NR6A1: variants seen among roughly 807,000 people sequenced by gnomAD.
NR6A1 encodes nuclear receptor subfamily 6 group A member 1.
NR6A1 carries 7 observed loss-of-function variants against 59.1 expected under a neutral mutation model. That is an observed-to-expected ratio of 0.12 (90% CI 0.07 to 0.22). The LOEUF is 0.22. NR6A1 is among the 10% of genes least tolerant of loss of function. NR6A1 has a pLI of 1.00. For missense variants in NR6A1, 468 were observed against 611.6 expected (o/e 0.77, Z 2.48); for synonymous variants, 243 against 236.1 (o/e 1.03, Z -0.27).
At position 124,680,143 on chromosome 9, in the gene NR6A1, G is replaced by A. The variant is rs184030156; in HGVS notation, c.142+53165C>T. 7.8e-4 allele frequency among the ~76,000 whole-genome samples: 118 copies of A among 151,468 alleles called. 2 individuals are homozygous for A. The highest frequency in any genetic ancestry group is 4.4e-5 in the Non-Finnish European group (3 of 67,846). ...GTGTTTATGTATGTATATGTAAATCGTGATGTGTGACATTGAAAGAATGTT... is the reference window on the plus strand; with the variant it reads ...GTGTTTATGTATGTATATGTAAATCATGATGTGTGACATTGAAAGAATGTT... On this transcript the variant is annotated intron_variant, in intron 2 of 9. Transcript: ENST00000487099.
At position 124,656,588 on chromosome 9, in the gene NR6A1, T is replaced by G. The variant is rs188616579; in HGVS notation, c.142+76720A>C. Among the ~76,000 whole-genome samples the G allele has an allele frequency of 3.9e-5, 6 of 152,208 alleles. No individual in the cohort carries two copies. In the East Asian group the frequency reaches 9.6e-4, roughly 24 times the overall value. On this transcript the variant is annotated intron_variant, in intron 2 of 9. Coordinates refer to ENST00000487099, the MANE Select transcript of NR6A1 (RefSeq NM_033334.4). ...GGCTCATGCCTGTAATTCTAGGATT[T>G]TGGGAGGCCAAGGTGGGTGGATCAC...
intron 2 of NR6A1, among the ~76,000 whole-genome samples, chr9:124,598,006 C>T (rs1835327079): frequency 1.3e-5 from 2 of 152,192 alleles, no homozygotes; most frequent in East Asian, 1.9e-4. Context: ...CGCACCACCA[C>T]GCCTGGCTAA....
At chr9:124,579,264 A>T (rs1247861232) in intron 2 of NR6A1, among the ~76,000 whole-genome samples, 1 of 151,906 alleles carries the variant, frequency 6.6e-6, no homozygotes, top group Non-Finnish European at 1.5e-5. Context: ...AAAAAATTTA[A>T]AACTTAGCCA....
At position 124,771,265 on chromosome 9, in the gene NR6A1, G is replaced by GGCTCCGCGCC. The variant is rs988539201; in HGVS notation, c.-156_-147dup. 2.8e-4 allele frequency: 117 copies of GGCTCCGCGCC among 419,560 alleles called. No individual in the cohort carries two copies. The highest frequency in any genetic ancestry group is 1.8e-3 in the Admixed American group (41 of 22,492). 26.0% of individuals were successfully genotyped at this position (419,560 alleles called of 1,614,324 possible). ...GCTCTCTCTGGGCCCCGAGCCGCCC[G>GGCTCCGCGCC]GCTCCGCGCCGCTCCGCGCCCCTCC... On this transcript the variant is annotated 5_prime_UTR_variant, in exon 1 of 10. Coordinates refer to ENST00000487099, the MANE Select transcript of NR6A1 (RefSeq NM_033334.4).
At chr9:124,674,063 A>ATT (rs771919288) in intron 2 of NR6A1, among the ~76,000 whole-genome samples, 7 of 152,208 alleles carry the variant, frequency 4.6e-5, no homozygotes, top group Non-Finnish European at 1.0e-4. Context: ...TTCCAAAATG[A>ATT]GAATAATCAT....
intron 2 of NR6A1, among the ~76,000 whole-genome samples, chr9:124,666,891 G>A (rs183834704): frequency 2.0e-5 from 3 of 152,246 alleles, no homozygotes; most frequent in South Asian, 2.1e-4. Flanking sequence ...CTTCCCTGGC[G>A]GGGGCGGGGG....
Position 124,637,907 on chromosome 9 carries a change from A to G in NR6A1, c.143-83337T>C, listed in dbSNP as rs533600571. ...ACTCCCTCTCCAAAAAAAAAAAAAA[A>G]AAAAAGAAAAAAAGGGAACTCCAAA... On this transcript the variant is annotated intron_variant, in intron 2 of 9. Coordinates refer to ENST00000487099, the MANE Select transcript of NR6A1 (RefSeq NM_033334.4). 5.6e-3 allele frequency among the ~76,000 whole-genome samples: 842 copies of G among 150,786 alleles called. 11 individuals are homozygous for G. The highest frequency in any genetic ancestry group is 0.018 in the African/African-American group (756 of 41,032).
At chr9:124,598,647 TAAAA>T (rs34357133) in intron 2 of NR6A1, 38 of 161,036 alleles carry the variant, frequency 2.4e-4, no homozygotes, top group Non-Finnish European at 3.0e-4. Context: ...AGAGTAAAAT[TAAAA>T]AAAAAAAAAA....
Position 124,522,044 on chromosome 9 carries a change from G to C in NR6A1, c.*661C>G, listed in dbSNP as rs942736054. 3.9e-5 allele frequency: 6 copies of C among 152,196 alleles called. No individual in the cohort carries two copies. The highest frequency in any genetic ancestry group is 1.2e-4 in the African/African-American group (5 of 41,414). The allele number at this position is 152,196 out of a possible 1,614,324, so 9.4% of individuals were successfully genotyped here. On this transcript the variant is annotated 3_prime_UTR_variant, in exon 10 of 10. Coordinates refer to ENST00000487099, the MANE Select transcript of NR6A1 (RefSeq NM_033334.4). ...GGACTTGTTGGGTGGAAGGACACCT[G>C]CCTTAAATATGGTCACTGTGCCCTA...
intron 2 of NR6A1, among the ~76,000 whole-genome samples, chr9:124,567,207 A>G (rs774388390): frequency 7.9e-5 from 12 of 152,208 alleles, no homozygotes; most frequent in Non-Finnish European, 1.3e-4. Context: ...CAGGGCTAAA[A>G]TGAAGAATCT....
intron 3 of NR6A1, among the ~76,000 whole-genome samples, chr9:124,551,990 G>A (rs1445484050): frequency 6.6e-6 from 1 of 152,230 alleles, no homozygotes; most frequent in Admixed American, 6.5e-5. Context: ...CATGCAAACA[G>A]TCCTAAGGAG....
chr9:124,622,299 G>A (rs1836099866), intron 2 of NR6A1, among the ~76,000 whole-genome samples: 1 of 152,184 alleles, frequency 6.6e-6, no homozygotes, highest in South Asian at 2.1e-4. Flanking sequence ...AACAAGAATT[G>A]GTTCTGTGTG....
chr9:124,768,158 T>C (rs1840991276), intron 1 of NR6A1, among the ~76,000 whole-genome samples: 1 of 152,216 alleles, frequency 6.6e-6, no homozygotes, highest in Non-Finnish European at 1.5e-5. Context: ...GTGTTTCCGG[T>C]AGGAAAACAT....
At chr9:124,587,778 T>G (rs542838410) in intron 2 of NR6A1, among the ~76,000 whole-genome samples, 1 of 152,226 alleles carries the variant, frequency 6.6e-6, no homozygotes, top group South Asian at 2.1e-4. Flanking sequence ...ACAATGCGAA[T>G]GAGCACTCTT....
At chr9:124,564,566 G>A (rs886425648) in intron 2 of NR6A1, among the ~76,000 whole-genome samples, 10 of 152,164 alleles carry the variant, frequency 6.6e-5, no homozygotes, top group African/African-American at 2.4e-4. Context: ...GTACTTCTAA[G>A]ATAAGCTGAA....
chr9:124,621,559 T>C (rs1489608370), intron 2 of NR6A1, among the ~76,000 whole-genome samples: 1 of 150,036 alleles, frequency 6.7e-6, no homozygotes, highest in East Asian at 1.9e-4. Flanking sequence ...GAGGATACGG[T>C]GGGAGTATCA....
intron 2 of NR6A1, among the ~76,000 whole-genome samples, chr9:124,679,849 C>T (rs1838080776): frequency 6.7e-6 from 1 of 150,314 alleles, no homozygotes; most frequent in Admixed American, 6.6e-5. Context: ...GTGAACCAAG[C>T]TCATACCACT....
intron 2 of NR6A1, among the ~76,000 whole-genome samples, chr9:124,627,214 G>A (rs1327372840): frequency 6.6e-6 from 1 of 152,130 alleles, no homozygotes; most frequent in Admixed American, 6.5e-5. Context: ...TTTTGGCCTA[G>A]GTCATGTACC....
At chr9:124,670,690 G>C (rs1165126104) in intron 2 of NR6A1, among the ~76,000 whole-genome samples, 2 of 152,180 alleles carry the variant, frequency 1.3e-5, no homozygotes, top group African/African-American at 4.8e-5. Flanking sequence ...GTGTGTTTAA[G>C]AGCAGTGAGG....
Sources: allele counts gnomAD v4.1 joint callset (sites outside exome capture counted in the v4.1 genomes callset), GRCh38; gene constraint gnomAD v4.1.1; transcripts MANE v1.5; gene names NCBI Gene and HGNC (gene_info 2026-07-23, HGNC 2026-07-21).